COX16: variants seen among roughly 807,000 people sequenced by gnomAD.
The protein encoded by COX16 is cytochrome c oxidase assembly factor COX16.
In COX16, 12 loss-of-function variants were observed where a neutral mutation model predicts 15.4. The ratio of observed to expected loss-of-function variants is 0.78; its 90% CI spans 0.50 to 1.26. COX16 has a LOEUF of 1.26. Ranked by LOEUF, COX16 falls within the 50% of genes most tolerant of loss-of-function variation. COX16 has a pLI of 0.00. For missense variants in COX16, 124 were observed against 127.6 expected (o/e 0.97, Z 0.14); for synonymous variants, 46 against 41.1 (o/e 1.12, Z -0.46).
intron 1 of COX16, among the ~76,000 whole-genome samples, chr14:70,350,590 G>A (rs1886925315): frequency 6.6e-6 from 1 of 152,172 alleles, no homozygotes; most frequent in African/African-American, 2.4e-5. Flanking sequence ...TTACAATACT[G>A]TCATTGCATT....
At chr14:70,343,610 G>A (rs2140723394) in intron 1 of COX16, among the ~76,000 whole-genome samples, 1 of 152,098 alleles carries the variant, frequency 6.6e-6, no homozygotes. Flanking sequence ...GTATTCCCAG[G>A]GACAATATGG....
intron 2 of COX16, among the ~76,000 whole-genome samples, chr14:70,331,593 C>G (rs1326682514): frequency 6.6e-6 from 1 of 152,180 alleles, no homozygotes; most frequent in Non-Finnish European, 1.5e-5. Context: ...CAATTCGTAA[C>G]ACACCCACCA....
intron 1 of COX16, among the ~76,000 whole-genome samples, chr14:70,355,641 A>T (rs2140761970): frequency 6.6e-6 from 1 of 152,364 alleles, no homozygotes; most frequent in South Asian, 2.1e-4. Context: ...ATCCTGCTAA[A>T]CTAGAAGACT....
chr14:70,347,276 C>T (rs183034815), intron 1 of COX16, among the ~76,000 whole-genome samples: 169 of 152,272 alleles, frequency 1.1e-3, no homozygotes, highest in African/African-American at 3.8e-3. Context: ...AGTCCAGGAC[C>T]TCAGGCTCAT....
At chr14:70,328,072 A>ATTTTTTTGTTTTT (rs1886143379) in intron 3 of COX16, 1 of 80,840 alleles carries the variant, frequency 1.2e-5, no homozygotes, top group African/African-American at 5.0e-5. Context: ...TGAGAATAAG[A>ATTTTTTTGTTTTT]TTTTTTTTTT....
At chr14:70,343,835 CAG>C (rs1166515953) in intron 1 of COX16, among the ~76,000 whole-genome samples, 5 of 152,164 alleles carry the variant, frequency 3.3e-5, no homozygotes, top group East Asian at 1.9e-4. Flanking sequence ...TTTATCAAGA[CAG>C]GGGAATTACA....
chr14:70,329,266 ATCTAAG>A (rs761063448), intron 2 of COX16, 30 bp from the exon 3 acceptor site: 12 of 1,580,560 alleles, frequency 7.6e-6, no homozygotes, highest in Admixed American at 3.7e-5. Flanking sequence ...GTAATAAGTT[ATCTAAG>A]TCTGTTTGTT....
intron 1 of COX16, among the ~76,000 whole-genome samples, chr14:70,354,155 C>A (rs1887053823): frequency 6.6e-6 from 1 of 151,500 alleles, no homozygotes; most frequent in Non-Finnish European, 1.5e-5. Flanking sequence ...CTTAAAAAAA[C>A]AACAATAATA....
At chr14:70,343,398 TTTTG>T (rs1886680847) in intron 1 of COX16, among the ~76,000 whole-genome samples, 5 of 152,244 alleles carry the variant, frequency 3.3e-5, no homozygotes, top group Admixed American at 3.3e-4. Context: ...ATTATTGTTT[TTTTG>T]TTTAAGGTTT....
intron 1 of COX16, among the ~76,000 whole-genome samples, chr14:70,354,700 C>G (rs1214518848): frequency 6.6e-6 from 1 of 152,044 alleles, no homozygotes; most frequent in Admixed American, 6.6e-5. Context: ...ACACTGTAAT[C>G]ATAAGTATAG....
At chr14:70,358,839 CATT>C (rs1887210276) in intron 1 of COX16, among the ~76,000 whole-genome samples, 1 of 152,210 alleles carries the variant, frequency 6.6e-6, no homozygotes, top group Non-Finnish European at 1.5e-5. Flanking sequence ...CCTCAGCCTG[CATT>C]TCATGACATC....
At chr14:70,352,177 T>C (rs1376329856) in intron 1 of COX16, among the ~76,000 whole-genome samples, 1 of 152,326 alleles carries the variant, frequency 6.6e-6, no homozygotes, top group South Asian at 2.1e-4. Context: ...TACTGGTCTG[T>C]ACTTTTTTAT....
At chr14:70,344,920 C>T (rs1174548938) in intron 1 of COX16, among the ~76,000 whole-genome samples, 1 of 152,172 alleles carries the variant, frequency 6.6e-6, no homozygotes, top group Non-Finnish European at 1.5e-5. Context: ...GGGCTGATGC[C>T]ATTTTAGGCC....
intron 3 of COX16, among the ~76,000 whole-genome samples, chr14:70,327,755 G>C (rs899554339): frequency 6.6e-6 from 1 of 152,124 alleles, no homozygotes; most frequent in African/African-American, 2.4e-5. Context: ...TCATGTAAAA[G>C]TAGTCTAGCC....
chr14:70,355,329 CTT>C (rs1399871107), intron 1 of COX16, among the ~76,000 whole-genome samples: 3 of 152,214 alleles, frequency 2.0e-5, no homozygotes, highest in African/African-American at 4.8e-5. Context: ...CAGAGTCACT[CTT>C]TCTTAGTCTC....
intron 3 of COX16, among the ~76,000 whole-genome samples, chr14:70,326,689 TAGAG>T (rs1320395701): frequency 6.6e-6 from 1 of 152,168 alleles, no homozygotes; most frequent in Non-Finnish European, 1.5e-5. Context: ...ACTATTAAAA[TAGAG>T]AAAGAGTCTA....
rs957594742 is a variant in COX16 at position 70,359,665 on chromosome 14, C to A, written c.-78G>T. ...CAAATCTCAGCAGCTCACGCTCTCACCAAGACGAGTACGTCCTTAACTCAC... is the reference window on the plus strand; with the variant it reads ...CAAATCTCAGCAGCTCACGCTCTCAACAAGACGAGTACGTCCTTAACTCAC... On this transcript the variant is annotated 5_prime_UTR_variant, in exon 1 of 4. Coordinates refer to ENST00000389912, the MANE Select transcript of COX16 (RefSeq NM_016468.7). 10 of 1,289,316 alleles carry A rather than the reference C, an allele frequency of 7.8e-6. No homozygotes were observed. Among genetic ancestry groups the A allele is most frequent in the Non-Finnish European group, 1.1e-5 (10 of 888,628 alleles). 79.9% of individuals were successfully genotyped at this position (1,289,316 alleles called of 1,614,324 possible).
chr14:70,330,167 G>T (rs1019457275), intron 2 of COX16, among the ~76,000 whole-genome samples: 1 of 151,976 alleles, frequency 6.6e-6, no homozygotes, highest in Non-Finnish European at 1.5e-5. Flanking sequence ...AGAAAAAAGA[G>T]AAGTCACAAA....
chr14:70,359,129 A>C (rs1400282043), intron 1 of COX16: 4 of 457,508 alleles, frequency 8.7e-6, no homozygotes, highest in Non-Finnish European at 1.8e-5. Context: ...AACATAGCTA[A>C]GTTGGGGGCG....
Sources: allele counts gnomAD v4.1 joint callset (sites outside exome capture counted in the v4.1 genomes callset), GRCh38; gene constraint gnomAD v4.1.1; transcripts MANE v1.5; gene names NCBI Gene and HGNC (gene_info 2026-07-23, HGNC 2026-07-21).